The following DLG2 variants were observed in gnomAD, a reference collection of about 807,000 sequenced individuals.
DLG2 encodes disks large homolog 2.
A neutral mutation model predicts 132.5 loss-of-function variants in DLG2; 45 were observed. The observed-to-expected ratio is 0.34, with a 90% CI of 0.27 to 0.44. The LOEUF is 0.44. DLG2 is among the 20% of genes least tolerant of loss of function. The pLI is 1.00. For synonymous variants in DLG2, 424 were observed against 419.6 expected, an observed-to-expected ratio of 1.01 and a Z score of -0.13; for missense variants, 1,045 against 1,196.9, an observed-to-expected ratio of 0.87 and a Z score of 1.87.
intron 8 of DLG2, among the ~76,000 whole-genome samples, chr11:84,194,210 T>G (rs1272095773): frequency 1.3e-5 from 2 of 152,218 alleles, no homozygotes; most frequent in African/African-American, 4.8e-5. Context: ...TATGTCCTTT[T>G]GTGTCCAGAA....
intron 21 of DLG2, among the ~76,000 whole-genome samples, chr11:83,520,871 T>C (rs1478011269): frequency 6.6e-6 from 1 of 152,168 alleles, no homozygotes; most frequent in East Asian, 1.9e-4. Flanking sequence ...CCACTTTACA[T>C]AGGAGTAACT....
At chr11:83,489,199 A>G (rs1314553834) in intron 21 of DLG2, among the ~76,000 whole-genome samples, 1 of 151,984 alleles carries the variant, frequency 6.6e-6, no homozygotes, top group Non-Finnish European at 1.5e-5. Context: ...ACTCCCTCAA[A>G]TGAATCAGAA....
chr11:84,387,539 A>G (rs2098775740), intron 7 of DLG2, among the ~76,000 whole-genome samples: 1 of 152,162 alleles, frequency 6.6e-6, no homozygotes, highest in Admixed American at 6.6e-5. Context: ...AAACATGTCT[A>G]AACATAACTG....
chr11:83,539,664 A>G (rs1286657914), intron 20 of DLG2, among the ~76,000 whole-genome samples: 1 of 151,328 alleles, frequency 6.6e-6, no homozygotes, highest in African/African-American at 2.4e-5. Flanking sequence ...AATATATATT[A>G]TATATATGAG....
At chr11:83,578,277 T>C (rs974076737) in intron 19 of DLG2, among the ~76,000 whole-genome samples, 1 of 151,688 alleles carries the variant, frequency 6.6e-6, no homozygotes, top group African/African-American at 2.4e-5. Flanking sequence ...TGGAGAGTTA[T>C]AGCTAATAAA....
At chr11:83,925,058 T>C (rs774681220) in intron 15 of DLG2, among the ~76,000 whole-genome samples, 11 of 152,102 alleles carry the variant, frequency 7.2e-5, no homozygotes, top group Non-Finnish European at 1.6e-4. Context: ...TTATGCTAAA[T>C]TAAATAAGCA....
At chr11:84,973,512 G>A (rs528893260) in intron 6 of DLG2, among the ~76,000 whole-genome samples, 84 of 152,202 alleles carry the variant, frequency 5.5e-4, no homozygotes, top group Middle Eastern at 3.4e-3. Context: ...TTGAAGAAGG[G>A]AAAGGTCAGC....
intron 6 of DLG2, among the ~76,000 whole-genome samples, chr11:84,703,121 T>C (rs2059378072): frequency 6.6e-6 from 1 of 151,616 alleles, no homozygotes; most frequent in Admixed American, 6.6e-5. Context: ...GGGGCTTACC[T>C]TATTAGAGAA....
chr11:85,539,013 T>A (rs2075792915), intron 3 of DLG2, among the ~76,000 whole-genome samples: 1 of 151,728 alleles, frequency 6.6e-6, no homozygotes, highest in Non-Finnish European at 1.5e-5. Flanking sequence ...TACATTTTTT[T>A]AAAAAAACAC....
chr11:84,971,081 T>G (rs1223510744), intron 6 of DLG2, among the ~76,000 whole-genome samples: 1 of 152,188 alleles, frequency 6.6e-6, no homozygotes, highest in Non-Finnish European at 1.5e-5. Context: ...AAAGATGAAC[T>G]GATGATGAAT....
At chr11:84,121,169 C>T (rs1250914641) in intron 9 of DLG2, among the ~76,000 whole-genome samples, 2 of 152,164 alleles carry the variant, frequency 1.3e-5, no homozygotes, top group African/African-American at 4.8e-5. Flanking sequence ...TTCTCATTAA[C>T]CAAAGAAGTT....
chr11:84,650,871 G>GTATATATATATATATATATATATA (rs1398321637), intron 6 of DLG2, among the ~76,000 whole-genome samples: 1 of 124,650 alleles, frequency 8.0e-6, no homozygotes, highest in African/African-American at 3.5e-5. Flanking sequence ...GTGTGTGTGT[G>GTATATATATATATATATATATATA]TGTATATATA....
chr11:85,431,307 A>T (rs1373613992), intron 3 of DLG2, among the ~76,000 whole-genome samples: 3 of 152,180 alleles, frequency 2.0e-5, no homozygotes, highest in East Asian at 1.9e-4. Context: ...CCTGAGAGCC[A>T]CATGGGACAG....
intron 16 of DLG2, among the ~76,000 whole-genome samples, chr11:83,835,550 A>T (rs886333327): frequency 2.0e-5 from 3 of 152,210 alleles, no homozygotes; most frequent in African/African-American, 7.2e-5. Context: ...GTGTTGTCAA[A>T]GAAGAACTAG....
chr11:83,492,637 T>C (rs2093920059), intron 21 of DLG2, among the ~76,000 whole-genome samples: 1 of 152,100 alleles, frequency 6.6e-6, no homozygotes, highest in Non-Finnish European at 1.5e-5. Flanking sequence ...CTCAGTCTTG[T>C]TCAACTTGGG....
chr11:85,136,569 G>A (rs189831484), intron 5 of DLG2, among the ~76,000 whole-genome samples: 74 of 152,194 alleles, frequency 4.9e-4, no homozygotes, highest in South Asian at 6.2e-4. Context: ...CCTGCAAGCT[G>A]CTTTACTTGA....
chr11:84,972,056 G>A (rs1043563535), intron 6 of DLG2, among the ~76,000 whole-genome samples: 4 of 151,902 alleles, frequency 2.6e-5, no homozygotes, highest in South Asian at 4.2e-4. Context: ...ATGACTCAGA[G>A]GGGGGGAAAA....
intron 16 of DLG2, among the ~76,000 whole-genome samples, chr11:83,861,680 C>T (rs1049010719): frequency 3.3e-5 from 5 of 151,882 alleles, no homozygotes; most frequent in African/African-American, 1.2e-4. Context: ...AACAATTGAA[C>T]TCATGGAGAT....
intron 13 of DLG2, among the ~76,000 whole-genome samples, chr11:83,963,719 GATCA>G (rs1448355354): frequency 6.6e-6 from 1 of 151,930 alleles, no homozygotes; most frequent in African/African-American, 2.4e-5. Context: ...ATTCTTGCAA[GATCA>G]ATCAATTTTA....
Sources: gnomAD v4.1 joint callset for allele counts (sites outside exome capture counted in the v4.1 genomes callset) on GRCh38, gnomAD v4.1.1 for gene constraint, MANE v1.5 for transcripts, NCBI Gene and HGNC (gene_info 2026-07-23, HGNC 2026-07-21) for gene names.